The following TTC4 variants were observed in gnomAD, a reference collection of about 807,000 sequenced individuals.
TTC4 encodes tetratricopeptide repeat domain 4.
A neutral mutation model predicts 51.9 loss-of-function variants in TTC4; 36 were observed. That is an observed-to-expected ratio of 0.69 (90% CI 0.53 to 0.92). The LOEUF (loss-of-function observed/expected upper bound fraction) is 0.92. TTC4 is among the 40% of genes least tolerant of loss of function. TTC4 has a pLI of 0.00. For synonymous variants in TTC4, 144 were observed against 164.2 expected (o/e 0.88, Z 0.94); for missense variants, 399 against 454.6 (o/e 0.88, Z 1.11).
chr1:54,732,228 T>C (rs1180028965), intron 7 of TTC4, among the ~76,000 whole-genome samples: 2 of 144,416 alleles, frequency 1.4e-5, no homozygotes, highest in African/African-American at 5.2e-5. Flanking sequence ...GGCTGAGGCA[T>C]GAGAATCACT....
intron 9 of TTC4, among the ~76,000 whole-genome samples, 180 bp from the exon 10 acceptor site, chr1:54,741,231 G>T (rs77811393): frequency 1.2e-4 from 19 of 152,348 alleles, no homozygotes; most frequent in African/African-American, 4.6e-4. Context: ...TGGCTAGGTT[G>T]TAAGGATGAG....
At chr1:54,732,961 C>A (rs151124572) in intron 7 of TTC4, among the ~76,000 whole-genome samples, 3,228 of 151,862 alleles carry the variant, frequency 0.021, 47 homozygotes, top group Non-Finnish European at 0.034. Flanking sequence ...GTGGTGCATG[C>A]CTGTAGTCCC....
chr1:54,730,793 T>TTC (rs199789132), intron 6 of TTC4, among the ~76,000 whole-genome samples: 9,748 of 139,892 alleles, frequency 0.07, 405 homozygotes, highest in African/African-American at 0.13. Flanking sequence ...TTGACATTTC[T>TTC]TTTTTTTTTT....
At chr1:54,729,702 T>C (rs1288292698) in intron 6 of TTC4, among the ~76,000 whole-genome samples, 2 of 151,864 alleles carry the variant, frequency 1.3e-5, no homozygotes, top group African/African-American at 2.4e-5. Context: ...AAGGAGAGAA[T>C]ATCTGCTGGG....
Position 54,741,581 on chromosome 1 carries a change from C to CAGTATGTCCAGCTGA in TTC4, c.*68_*69insAGTATGTCCAGCTGA. 7.9e-7 allele frequency: 1 copy of CAGTATGTCCAGCTGA among 1,271,046 alleles called. No individual in the cohort carries two copies. Among genetic ancestry groups the CAGTATGTCCAGCTGA allele is most frequent in the Non-Finnish European group, 1.1e-6 (1 of 870,852 alleles). The allele number at this position is 1,271,046 out of a possible 1,614,324, so 78.7% of individuals were successfully genotyped here. A position where few individuals can be genotyped will look rare whatever the true frequency, so the allele number is the denominator to read the frequency against. ...TGGGAACCTAGCACACCTGAATCAG[C>CAGTATGTCCAGCTGA]TGGACATACTGCTGGAGTCCAGTGC... is the stretch of plus-strand genomic sequence containing the variant. On this transcript the variant is annotated 3_prime_UTR_variant, in exon 10 of 10. Coordinates refer to ENST00000371281, the MANE Select transcript of TTC4 (RefSeq NM_004623.5).
At chr1:54,718,367 T>C (rs1332726165) in intron 3 of TTC4, among the ~76,000 whole-genome samples, 1 of 152,118 alleles carries the variant, frequency 6.6e-6, no homozygotes, top group Non-Finnish European at 1.5e-5. Context: ...TCTAAAAAGT[T>C]GCTTGGATGA....
chr1:54,731,934 A>G (rs1238642329), intron 7 of TTC4, among the ~76,000 whole-genome samples: 7 of 152,224 alleles, frequency 4.6e-5, no homozygotes, highest in Non-Finnish European at 7.3e-5. Context: ...TACATGCAAC[A>G]CCACAGTATT....
At chr1:54,733,747 ATTTTTTTTTTTT>A (rs371403281) in intron 8 of TTC4, 37 bp downstream of exon 8, 1,409 of 797,132 alleles carry the variant, frequency 1.8e-3, no homozygotes, top group South Asian at 4.8e-3. Context: ...TATGGAATTA[ATTTTTTTTTTTT>A]TTTTTTTTTT....
chr1:54,734,730 T>C (rs932538833), intron 8 of TTC4, among the ~76,000 whole-genome samples: 4 of 152,178 alleles, frequency 2.6e-5, no homozygotes, highest in Non-Finnish European at 5.9e-5. Flanking sequence ...CATTCCATTG[T>C]TGGGATTTTT....
chr1:54,731,405 C>A, intron 6 of TTC4, 81 bp from the exon 7 acceptor site: 9 of 1,360,882 alleles, frequency 6.6e-6, no homozygotes, highest in South Asian at 1.5e-5. Flanking sequence ...ATTATGGTTT[C>A]TTTATTTCAG....
At chr1:54,737,472 G>T in intron 8 of TTC4, 110 bp from the exon 9 acceptor site, 1 of 856,192 alleles carries the variant, frequency 1.2e-6, no homozygotes, top group Non-Finnish European at 1.8e-6. Flanking sequence ...ATATAAAGGA[G>T]GCATTCAACT....
intron 6 of TTC4, among the ~76,000 whole-genome samples, chr1:54,728,682 T>C (rs12066154): frequency 0.12 from 18,084 of 152,188 alleles, 1,798 homozygotes; most frequent in African/African-American, 0.26. Context: ...GCAGATGTAT[T>C]CCAGGATCCA....
At chr1:54,722,129 ATTTTTT>A (rs11443027) in intron 4 of TTC4, among the ~76,000 whole-genome samples, 1 of 147,008 alleles carries the variant, frequency 6.8e-6, no homozygotes, top group Non-Finnish European at 1.5e-5. Context: ...ATAACATGAA[ATTTTTT>A]TTTTTTTTTT....
At chr1:54,733,760 T>A (rs200180684) in intron 8 of TTC4, 50 bp downstream of exon 8, 20,776 of 1,250,762 alleles carry the variant, frequency 0.017, 470 homozygotes, top group East Asian at 0.14. Flanking sequence ...TTTTTTTTTT[T>A]TTTTTTTTTT....
chr1:54,740,950 C>T (rs186153456), intron 9 of TTC4, among the ~76,000 whole-genome samples: 2 of 152,210 alleles, frequency 1.3e-5, no homozygotes, highest in African/African-American at 2.4e-5. Context: ...TAGAGGGAAT[C>T]GTGCCTCCTT....
Position 54,722,709 on chromosome 1 carries a change from C to T in TTC4, c.504C>T (p.Ala168=), listed in dbSNP as rs11550481. 0.067 allele frequency: 108,432 copies of T among 1,613,572 alleles called. 5,211 individuals are homozygous for T. The highest frequency in any genetic ancestry group is 0.18 in the South Asian group (16,419 of 91,040). The change falls in exon 5 of 10, where the codon GCC becomes GCT. Residue 168 remains alanine (A), a synonymous_variant. Transcript: ENST00000371281. The part of the protein sequence containing the change: ...ALCHLELKHF[A]EAVNWCDEGL... Reference sequence around the variant, plus strand: ...GCCATCTGGAACTGAAACACTTTGCCGAGGCCGTGAACTGGTGTGATGAGG... The same window carrying T: ...GCCATCTGGAACTGAAACACTTTGCTGAGGCCGTGAACTGGTGTGATGAGG...
intron 1 of TTC4, 111 bp from the exon 2 acceptor site, chr1:54,716,489 T>C (rs1221738111): frequency 6.5e-6 from 5 of 772,514 alleles, no homozygotes; most frequent in Non-Finnish European, 1.1e-5. Flanking sequence ...TACAGCTAGC[T>C]GTGATGATTT....
chr1:54,736,182 GAGAGAGA>G (rs1392313818), intron 8 of TTC4, among the ~76,000 whole-genome samples: 3 of 28,388 alleles, frequency 1.1e-4, no homozygotes, highest in South Asian at 2.4e-3. Flanking sequence ...AAAGGAGAGA[GAGAGAGA>G]GAGAGAGAGA....
chr1:54,733,746 AATTTTTTTTTTTTT>A lies in TTC4; in HGVS notation c.978+37_978+50del, dbSNP rs1557751318. 2.8e-5 allele frequency: 30 copies of A among 1,078,834 alleles called. No individual in the cohort carries two copies. In the African/African-American group the frequency reaches 3.3e-4, roughly 12 times the overall value. 66.8% of individuals were successfully genotyped at this position (1,078,834 alleles called of 1,614,324 possible). ...TTTTATTTCGTTCCTCTATGGAATT[AATTTTTTTTTTTTT>A]TTTTTTTTTTTTTGCGGCGGGGGAA... On this transcript the variant is annotated intron_variant, in intron 8 of 9. Transcript: ENST00000371281.
Sources: gnomAD v4.1 joint callset for allele counts (sites outside exome capture counted in the v4.1 genomes callset) on GRCh38, gnomAD v4.1.1 for gene constraint, MANE v1.5 for transcripts, NCBI Gene and HGNC (gene_info 2026-07-23, HGNC 2026-07-21) for gene names.